The following RHOT2 variants were observed in gnomAD, a reference collection of about 807,000 sequenced individuals.
RHOT2 encodes the protein ras homolog family member T2.
In RHOT2, 90 loss-of-function variants were observed where a neutral mutation model predicts 81.6. The ratio of observed to expected loss-of-function variants is 1.10; its 90% CI spans 0.93 to 1.31. RHOT2 has a LOEUF of 1.31. Ranked by LOEUF, RHOT2 falls within the 40% of genes most tolerant of loss-of-function variation. RHOT2 has a pLI of 0.00. For synonymous variants in RHOT2, 512 were observed against 370.9 expected, an observed-to-expected ratio of 1.38 and a Z score of -4.37; for missense variants, 1,014 against 841.9, an observed-to-expected ratio of 1.20 and a Z score of -2.53.
chr16:669,527 C>A, intron 4 of RHOT2, 26 bp from the exon 5 acceptor site: 1 of 1,609,804 alleles, frequency 6.2e-7, no homozygotes, highest in South Asian at 1.1e-5. Context: ...AGCCCTGTCA[C>A]CCACACCTCA....
chr16:671,061 C>T (rs568003456), intron 10 of RHOT2, 22 bp from the exon 11 acceptor site: 2 of 1,608,846 alleles, frequency 1.2e-6, no homozygotes, highest in South Asian at 1.1e-5. Flanking sequence ...CCTGGTGCTC[C>T]CCCTGCTTTG....
Position 673,516 on chromosome 16 carries a change from C to T in RHOT2, c.1767C>T (p.Phe589=). ...LVHAELHPSS[F]WLRGLLGVVG... ...ACGCAGAGCTGCATCCCTCTTCCTT[C>T]TGGCTCCGGGGGCTGCTGGGGGTTG... Residue 589 remains phenylalanine (F), a synonymous_variant, in exon 19 of 19, where the codon TTC becomes TTT. Coordinates refer to ENST00000315082, the MANE Select transcript of RHOT2 (RefSeq NM_138769.3). 6.2e-7 allele frequency: 1 copy of T among 1,612,716 alleles called. No homozygotes were observed. Among genetic ancestry groups the T allele is most frequent in the Non-Finnish European group, 8.5e-7 (1 of 1,179,932 alleles).
In RHOT2 at chr16:672,071, C is replaced by T. The variant is rs374486172; in HGVS notation, c.1098-13C>T. On this transcript the variant is annotated splice_polypyrimidine_tract_variant and intron_variant, in intron 13 of 18. Transcript: ENST00000315082. ...CCACCATAACACTGTGCCTGCCTCC[C>T]GCCCACCCCCAGCCTGGTGACCTAC... 1.6e-5 allele frequency: 26 copies of T among 1,612,354 alleles called. No homozygotes were observed. Among genetic ancestry groups the T allele is most frequent in the South Asian group, 3.3e-5 (3 of 91,080 alleles).
intron 11 of RHOT2, 30 bp from the exon 12 acceptor site, chr16:671,667 G>A (rs1266211684): frequency 1.9e-6 from 3 of 1,601,840 alleles, no homozygotes; most frequent in East Asian, 4.5e-5. Flanking sequence ...GAGTCTCCTG[G>A]GAGCTAGACG....
chr16:671,060 C>G (rs1489908833), intron 10 of RHOT2, 23 bp from the exon 11 acceptor site: 2 of 1,608,560 alleles, frequency 1.2e-6, no homozygotes. Context: ...GCCTGGTGCT[C>G]CCCCTGCTTT....
At chr16:671,301 C>T (rs2038896715) in intron 11 of RHOT2, 98 bp downstream of exon 11, 2 of 1,464,276 alleles carry the variant, frequency 1.4e-6, no homozygotes, top group Admixed American at 2.3e-5. Flanking sequence ...GGTTTGAGGC[C>T]TGCCCTCCCT....
At position 671,198 on chromosome 16, in the gene RHOT2, C is replaced by T. The variant is rs200881031; in HGVS notation, c.864C>T (p.Ser288=). The part of the protein sequence containing the change: ...DALELTADYL[S]PLIHVPPGCS... ...TGGAGCTGACTGCGGACTATCTCTCCCCTCTGTGAGTGATGCCGGGGCTTG... is the reference window on the plus strand; with the variant it reads ...TGGAGCTGACTGCGGACTATCTCTCTCCTCTGTGAGTGATGCCGGGGCTTG... The change falls in exon 11 of 19, where the codon TCC becomes TCT. Residue 288 remains serine (S), a synonymous_variant. Coordinates refer to ENST00000315082, the MANE Select transcript of RHOT2 (RefSeq NM_138769.3). 3.9e-5 allele frequency: 61 copies of T among 1,555,418 alleles called. No homozygotes were observed. The East Asian group carries it at 4.3e-4, about 11-fold the overall frequency.
chr16:671,682 G>C lies in RHOT2; in HGVS notation c.870-15G>C. The C allele has an allele frequency of 5.6e-6, 9 of 1,608,852 alleles. No individual in the cohort carries two copies. Among genetic ancestry groups the C allele is most frequent in the Non-Finnish European group, 6.8e-6 (8 of 1,177,084 alleles). On this transcript the variant is annotated splice_polypyrimidine_tract_variant and intron_variant, in intron 11 of 18. Coordinates refer to ENST00000315082, the MANE Select transcript of RHOT2 (RefSeq NM_138769.3). Reference sequence around the variant, plus strand: ...GAGTCTCCTGGGAGCTAGACGGGCTGTGGCCTCCCTGCAGGATCCACGTGC... The same window carrying C: ...GAGTCTCCTGGGAGCTAGACGGGCTCTGGCCTCCCTGCAGGATCCACGTGC...
In RHOT2 at chr16:673,628, C is replaced by A; in HGVS notation, c.*22C>A. The A allele has an allele frequency of 6.3e-7, 1 of 1,595,130 alleles. No homozygotes were observed. Among genetic ancestry groups the A allele is most frequent in the Non-Finnish European group, 8.5e-7 (1 of 1,172,960 alleles). ...GTGAGGCCCCTGGTACCCAAGCCCC[C>A]TCCCCTGACCTGGGTGTGCCTCGCT... On this transcript the variant is annotated 3_prime_UTR_variant, in exon 19 of 19. Transcript: ENST00000315082.
Position 668,178 on chromosome 16 carries a change from G to A in RHOT2, c.-22G>A, listed in dbSNP as rs776236942. 2.4e-5 allele frequency: 11 copies of A among 461,938 alleles called. No homozygotes were observed. Among genetic ancestry groups the A allele is most frequent in the South Asian group, 6.1e-5 (1 of 16,382 alleles). The allele number at this position is 461,938 out of a possible 1,614,324, so 28.6% of individuals were successfully genotyped here. The stretch of plus-strand genomic sequence containing the variant: ...AGGTCGGGGCCGGGTTCCGGGTCGG[G>A]GAGCGGCTCCGGGCGGCAGCTATGA... On this transcript the variant is annotated 5_prime_UTR_variant, in exon 1 of 19. Transcript: ENST00000315082.
At position 672,982 on chromosome 16, in the gene RHOT2, C is replaced by G; in HGVS notation, c.1582C>G (p.Leu528Val). ...CCTCTTTGTCTCCTCCAAGGCCGAC[C>G]TGCCCGAAGGTGTCGCGGTGTCTGG... The part of the protein sequence containing the change: ...PCLFVSSKAD[L>V]PEGVAVSGPS... The change falls in exon 18 of 19, where the codon CTG (leucine) becomes GTG (valine). Residue 528 changes from leucine (L) to valine (V), a missense_variant. Transcript: ENST00000315082. 6.2e-7 allele frequency: 1 copy of G among 1,612,814 alleles called. No individual in the cohort carries two copies. The highest frequency in any genetic ancestry group is 8.5e-7 in the Non-Finnish European group (1 of 1,180,002).
intron 15 of RHOT2, 34 bp from the exon 16 acceptor site, chr16:672,455 C>T (rs1177286040): frequency 2.5e-6 from 4 of 1,611,532 alleles, no homozygotes; most frequent in Non-Finnish European, 3.4e-6. Context: ...GGGGGCACTG[C>T]AGCCAGCGAG....
In RHOT2 at chr16:670,714, A is replaced by G; in HGVS notation, c.580A>G (p.Arg194Gly). ...ACAQALTRIF[R>G]LSDQDLDQAL... ...CGCCCAGGCGCTGACGCGCATCTTC[A>G]GGCTCTCAGATCAGGACCTGGACCA... Residue 194 changes from arginine to glycine, a missense_variant, in exon 9 of 19, where the codon AGG (arginine) becomes GGG (glycine). Physicochemically the swap from Arg to Gly is moderately radical, Grantham distance 125 (BLOSUM62 -2). Coordinates refer to ENST00000315082, the MANE Select transcript of RHOT2 (RefSeq NM_138769.3). The G allele has an allele frequency of 9.3e-6, 15 of 1,612,452 alleles. No homozygotes were observed. The highest frequency in any genetic ancestry group is 1.1e-5 in the Non-Finnish European group (13 of 1,179,924).
In RHOT2 at chr16:673,036, CACCGGCT is replaced by C; in HGVS notation, c.1640_1646del (p.Arg547ProfsTer67). On this transcript the variant is annotated frameshift_variant, in exon 18 of 19. Transcript: ENST00000315082. LOFTEE classifies it high-confidence loss of function. ...ATCACCGGCCGAGTTTTGCCGCAAGCACCGGCTACCCGCTCCCGTGCCGTTCTCCTGT... is the reference window on the plus strand; with the variant it reads ...ATCACCGGCCGAGTTTTGCCGCAAGCACCCGCTCCCGTGCCGTTCTCCTGT... 6.2e-7 allele frequency: 1 copy of C among 1,612,234 alleles called. No individual in the cohort carries two copies. Among genetic ancestry groups the C allele is most frequent in the Non-Finnish European group, 8.5e-7 (1 of 1,179,950 alleles).
chr16:671,231 C>G, intron 11 of RHOT2, 28 bp downstream of exon 11: 1 of 1,524,952 alleles, frequency 6.6e-7, no homozygotes, highest in Non-Finnish European at 8.8e-7. Flanking sequence ...TTGAGGCCTG[C>G]CCTCCCCGAG....
At position 673,881 on chromosome 16, in the gene RHOT2, G is replaced by A. The variant is rs1220487319; in HGVS notation, c.*275G>A. ...CGCTGTCAGGGATTGCCCACCCCTG[G>A]GCATCATGTGTGTGGGGCCGGGGAG... On this transcript the variant is annotated 3_prime_UTR_variant, in exon 19 of 19. Transcript: ENST00000315082. 9 of 613,820 alleles carry A rather than the reference G, an allele frequency of 1.5e-5. No homozygotes were observed. The highest frequency in any genetic ancestry group is 2.4e-5 in the Non-Finnish European group (8 of 332,924). 38.0% of individuals were successfully genotyped at this position (613,820 alleles called of 1,614,324 possible).
intron 11 of RHOT2, among the ~76,000 whole-genome samples, 189 bp from the exon 12 acceptor site, chr16:671,508 C>T (rs1441741491): frequency 2.0e-5 from 3 of 152,188 alleles, no homozygotes; most frequent in African/African-American, 7.2e-5. Context: ...TCAGCCAGGC[C>T]TCCCACGTGC....
In RHOT2 at chr16:669,623, G is replaced by C. The variant is rs1309933307; in HGVS notation, c.276+17G>C. The C allele has an allele frequency of 6.2e-7, 1 of 1,610,604 alleles. No individual in the cohort carries two copies. Among genetic ancestry groups the C allele is most frequent in the African/African-American group, 1.3e-5 (1 of 74,914 alleles). Reference sequence around the variant, plus strand: ...ATTGAGAAGGTGAGCCCTCAGTGCAGACCCCAACAGCAGAGACACAGTGGC... The same window carrying C: ...ATTGAGAAGGTGAGCCCTCAGTGCACACCCCAACAGCAGAGACACAGTGGC... On this transcript the variant is annotated intron_variant, in intron 5 of 18. Transcript: ENST00000315082.
In RHOT2 at chr16:670,209, TGGCTCCCCTGCCCCTGGTGACCATG is replaced by T; in HGVS notation, c.330-36_330-12del. 1.9e-6 allele frequency: 3 copies of T among 1,610,990 alleles called. No homozygotes were observed. The highest frequency in any genetic ancestry group is 2.5e-6 in the Non-Finnish European group (3 of 1,178,778). On this transcript the variant is annotated splice_polypyrimidine_tract_variant and intron_variant, in intron 6 of 18. Coordinates refer to ENST00000315082, the MANE Select transcript of RHOT2 (RefSeq NM_138769.3). ...GGGATGTGGAAGGGGCTGGGACCCC[TGGCTCCCCTGCCCCTGGTGACCATG>T]GGCCTTCAACCCAGGGTGCCCATCA... is the stretch of plus-strand genomic sequence containing the variant.
Sources: allele counts gnomAD v4.1 joint callset (sites outside exome capture counted in the v4.1 genomes callset), GRCh38; gene constraint gnomAD v4.1.1; transcripts MANE v1.5; gene names NCBI Gene and HGNC (gene_info 2026-07-23, HGNC 2026-07-21).